Variants in PDE8B observed in about 807,000 individuals in gnomAD.
PDE8B encodes high affinity cAMP-specific and IBMX-insensitive 3',5'-cyclic phosphodiesterase 8B.
In PDE8B, 26 loss-of-function variants were observed where a neutral mutation model predicts 101.3. The ratio of observed to expected loss-of-function variants is 0.26; its 90% CI spans 0.19 to 0.36. The LOEUF (loss-of-function observed/expected upper bound fraction) is 0.36. Among genes scored for constraint, PDE8B ranks in the 10% least tolerant of loss-of-function variants. The pLI is 1.00. For synonymous variants in PDE8B, 424 were observed against 429.3 expected (o/e 0.99, Z 0.15); for missense variants, 810 against 1,163.1 (o/e 0.70, Z 4.42).
At chr5:77,260,164 A>T in intron 1 of PDE8B, among the ~76,000 whole-genome samples, 1 of 146,552 alleles carries the variant, frequency 6.8e-6, no homozygotes, top group Non-Finnish European at 1.5e-5. Flanking sequence ...TCACAAAAAA[A>T]AAAAAAAAAG....
chr5:77,336,626 A>G (rs1049476646), intron 5 of PDE8B, among the ~76,000 whole-genome samples: 11 of 150,962 alleles, frequency 7.3e-5, no homozygotes, highest in Non-Finnish European at 1.3e-4. Flanking sequence ...ATCTGTTCAA[A>G]TGTTGGACAT....
At chr5:77,265,228 CACAG>C (rs1332644887) in intron 1 of PDE8B, among the ~76,000 whole-genome samples, 1 of 152,176 alleles carries the variant, frequency 6.6e-6, no homozygotes, top group Non-Finnish European at 1.5e-5. Context: ...ACCAAGACAT[CACAG>C]ACAATCAGTG....
At chr5:77,148,262 T>C in the PDE8B span, 3 of 152,220 alleles carry the variant, frequency 2.0e-5, no homozygotes, top group Non-Finnish European at 4.4e-5. Flanking sequence ...CATATTACAC[T>C]GTGCTTATTC....
At chr5:77,272,211 TAA>T (rs1390907863) in intron 1 of PDE8B, among the ~76,000 whole-genome samples, 2 of 152,174 alleles carry the variant, frequency 1.3e-5, no homozygotes, top group African/African-American at 4.8e-5. Context: ...TGGAATGTAT[TAA>T]GAGAGAGCTT....
At chr5:77,311,156 A>G (rs1161909233) in intron 1 of PDE8B, among the ~76,000 whole-genome samples, 2 of 152,184 alleles carry the variant, frequency 1.3e-5, no homozygotes, top group African/African-American at 2.4e-5. Flanking sequence ...TTAGAGAAAA[A>G]CAAAATTGGA....
the PDE8B span, among the ~76,000 whole-genome samples, chr5:77,104,218 A>G: frequency 3.3e-5 from 5 of 152,174 alleles, no homozygotes; most frequent in African/African-American, 1.2e-4. Flanking sequence ...CCACACAGTA[A>G]GGAACCACGT....
intron 1 of PDE8B, among the ~76,000 whole-genome samples, chr5:77,221,273 A>G (rs1000774435): frequency 2.6e-5 from 4 of 152,070 alleles, no homozygotes; most frequent in Non-Finnish European, 5.9e-5. Flanking sequence ...TTCCCCTTCC[A>G]GTCTCTCTTT....
At chr5:77,307,557 A>G (rs1771522804) in intron 1 of PDE8B, among the ~76,000 whole-genome samples, 1 of 152,040 alleles carries the variant, frequency 6.6e-6, no homozygotes, top group Admixed American at 6.5e-5. Flanking sequence ...CAACAATGGT[A>G]TTTATACCAC....
intron 1 of PDE8B, chr5:77,290,244 C>A (rs1042335866): frequency 2.2e-4 from 334 of 1,550,216 alleles, no homozygotes; most frequent in Non-Finnish European, 2.8e-4. Flanking sequence ...GCTCCTTGGA[C>A]CTTGGAGCAG....
chr5:77,282,987 C>A (rs762308525), intron 1 of PDE8B, among the ~76,000 whole-genome samples: 1 of 152,032 alleles, frequency 6.6e-6, no homozygotes, highest in Non-Finnish European at 1.5e-5. Context: ...CCTGTCCAAC[C>A]TGGGCCTGCA....
intron 1 of PDE8B, among the ~76,000 whole-genome samples, chr5:77,284,781 T>C (rs996985469): frequency 6.6e-6 from 1 of 152,238 alleles, no homozygotes; most frequent in Admixed American, 6.5e-5. Context: ...ATTTCAGAAA[T>C]AATCCATCTT....
the PDE8B span, among the ~76,000 whole-genome samples, chr5:77,180,995 TG>T: frequency 6.8e-6 from 1 of 146,992 alleles, no homozygotes; most frequent in South Asian, 2.3e-4. Flanking sequence ...TGTGTGTGTG[TG>T]TGTGTTTGCG....
intron 1 of PDE8B, among the ~76,000 whole-genome samples, chr5:77,225,885 ACG>A (rs1326647317): frequency 6.2e-5 from 6 of 97,516 alleles, no homozygotes; most frequent in African/African-American, 3.0e-4. Flanking sequence ...CACACACCCC[ACG>A]CACACATCTC....
chr5:77,173,708 A>C, the PDE8B span, among the ~76,000 whole-genome samples: 1 of 152,168 alleles, frequency 6.6e-6, no homozygotes, highest in South Asian at 2.1e-4. Flanking sequence ...TGGGAAATTG[A>C]AGTGCTTTTT....
chr5:77,378,027 CA>C (rs1207166638), intron 10 of PDE8B, among the ~76,000 whole-genome samples: 1 of 127,556 alleles, frequency 7.8e-6, no homozygotes, highest in Non-Finnish European at 1.7e-5. Flanking sequence ...CACACACACA[CA>C]CACACACACA....
At chr5:77,214,628 A>G (rs1285636580) in intron 1 of PDE8B, among the ~76,000 whole-genome samples, 1 of 152,212 alleles carries the variant, frequency 6.6e-6, no homozygotes, top group East Asian at 1.9e-4. Flanking sequence ...AGGAAAATAA[A>G]TAGATATTCC....
chr5:77,172,317 C>T, the PDE8B span, among the ~76,000 whole-genome samples: 1 of 152,194 alleles, frequency 6.6e-6, no homozygotes, highest in Non-Finnish European at 1.5e-5. Context: ...ACTGATGAAA[C>T]ATCAAGAGCA....
At chr5:77,253,979 A>AT (rs1758599061) in intron 1 of PDE8B, among the ~76,000 whole-genome samples, 1 of 151,996 alleles carries the variant, frequency 6.6e-6, no homozygotes, top group Non-Finnish European at 1.5e-5. Flanking sequence ...GATATGAAGT[A>AT]TGCTTTCACA....
intron 1 of PDE8B, among the ~76,000 whole-genome samples, chr5:77,297,862 C>T (rs1440357995): frequency 6.6e-6 from 1 of 152,196 alleles, no homozygotes; most frequent in East Asian, 1.9e-4. Flanking sequence ...GATCCTTCAA[C>T]ATTGATCTCC....
Sources: allele counts gnomAD v4.1 joint callset (sites outside exome capture counted in the v4.1 genomes callset), GRCh38; gene constraint gnomAD v4.1.1; transcripts MANE v1.5; gene names NCBI Gene and HGNC (gene_info 2026-07-23, HGNC 2026-07-21).